Variants in CD44 observed in about 807,000 individuals in gnomAD.
The protein encoded by CD44 is CD44 molecule (IN blood group).
A neutral mutation model predicts 88.8 loss-of-function variants in CD44; 49 were observed. That is an observed-to-expected ratio of 0.55 (90% CI 0.44 to 0.70). The LOEUF is 0.70. Ranked by LOEUF, CD44 falls within the 30% of genes least tolerant of loss-of-function variation. The probability of loss-of-function intolerance (pLI) is 0.00; values close to 1 mark genes in which losing one functional copy is unlikely to be tolerated. For missense variants in CD44, 883 were observed against 913.8 expected, an observed-to-expected ratio of 0.97 and a Z score of 0.43; for synonymous variants, 325 against 312.3, an observed-to-expected ratio of 1.04 and a Z score of -0.43.
chr11:35,193,775 C>T (rs1414732178), intron 5 of CD44, among the ~76,000 whole-genome samples: 2 of 152,176 alleles, frequency 1.3e-5, no homozygotes, highest in African/African-American at 2.4e-5. Context: ...ATTTCTCTAA[C>T]TTTGGCAACT....
At chr11:35,189,722 T>C (rs1946081539) in intron 4 of CD44, 113 bp from the exon 5 acceptor site, 1 of 719,878 alleles carries the variant, frequency 1.4e-6, no homozygotes, top group Non-Finnish European at 2.5e-6. Context: ...ACTGGATAGA[T>C]AGGTGTTTCT....
At chr11:35,168,703 C>G (rs1413633433) in intron 1 of CD44, among the ~76,000 whole-genome samples, 1 of 152,208 alleles carries the variant, frequency 6.6e-6, no homozygotes, top group Non-Finnish European at 1.5e-5. Flanking sequence ...AGTTAGAAAA[C>G]AAATTAACTC....
intron 17 of CD44, chr11:35,222,814 TAAGGTAAAAGAAACTTATTTCC>T: frequency 1.0e-6 from 1 of 985,168 alleles, no homozygotes; most frequent in African/African-American, 1.7e-5. Context: ...TGGTTTCTCA[TAAGGTAAAAGAAACTTATTTCC>T]AAGCAGGACC....
intron 17 of CD44, chr11:35,222,889 G>T (rs747589216): frequency 1.1e-4 from 109 of 985,168 alleles, no homozygotes; most frequent in Non-Finnish European, 1.3e-4. Context: ...GCAGAAAAAT[G>T]CCCCTCAGTC....
intron 1 of CD44, among the ~76,000 whole-genome samples, chr11:35,154,941 C>G (rs1006687623): frequency 1.3e-5 from 2 of 152,138 alleles, no homozygotes; most frequent in Non-Finnish European, 2.9e-5. Context: ...TTCAATTCTG[C>G]CACTCCCAGT....
At chr11:35,225,344 GTA>G (rs1949625444) in intron 17 of CD44, among the ~76,000 whole-genome samples, 1 of 152,142 alleles carries the variant, frequency 6.6e-6, no homozygotes, top group African/African-American at 2.4e-5. Context: ...TGCCATAAAA[GTA>G]TGTTACCTGG....
At chr11:35,180,532 A>C (rs1944887895) in intron 3 of CD44, 125 bp downstream of exon 3, 7 of 1,021,870 alleles carry the variant, frequency 6.9e-6, no homozygotes, top group Non-Finnish European at 8.8e-6. Flanking sequence ...ATATCTGTAC[A>C]GCAGAGCCAA....
chr11:35,150,783 AGAGCTTCTCCCTCTCAGTCACAGG>A (rs1406688318), intron 1 of CD44, among the ~76,000 whole-genome samples: 3 of 152,226 alleles, frequency 2.0e-5, no homozygotes, highest in African/African-American at 7.2e-5. Context: ...CATAGCCAGG[AGAGCTTCTCCCTCTCAGTCACAGG>A]GTGACTGTGG....
chr11:35,215,541 CATGTATTAGGTTGGGCCAA>C (rs1258606562), intron 15 of CD44, among the ~76,000 whole-genome samples: 3 of 152,134 alleles, frequency 2.0e-5, no homozygotes, highest in Non-Finnish European at 2.9e-5. Flanking sequence ...AAACACTTTA[CATGTATTAGGTTGGGCCAA>C]ATGGAACTGC....
chr11:35,205,348 C>T (rs978691227), intron 10 of CD44, among the ~76,000 whole-genome samples: 2 of 152,092 alleles, frequency 1.3e-5, no homozygotes, highest in African/African-American at 4.8e-5. Flanking sequence ...CACTTGGTAT[C>T]AGTGAGAAAT....
chr11:35,156,065 A>G (rs1014651085), intron 1 of CD44, among the ~76,000 whole-genome samples: 13 of 152,168 alleles, frequency 8.5e-5, no homozygotes, highest in Admixed American at 2.0e-4. Context: ...GTCACCATGG[A>G]CATCATTTGC....
intron 15 of CD44, among the ~76,000 whole-genome samples, chr11:35,218,570 G>A (rs570744612): frequency 1.3e-4 from 20 of 151,850 alleles, no homozygotes; most frequent in Non-Finnish European, 2.6e-4. Flanking sequence ...CTTGTGATCC[G>A]CCTGCTTCAG....
chr11:35,156,886 T>A (rs745561862), intron 1 of CD44, among the ~76,000 whole-genome samples: 1 of 152,140 alleles, frequency 6.6e-6, no homozygotes, highest in Non-Finnish European at 1.5e-5. Context: ...TATTTTTAAT[T>A]GGCTGTGCAT....
intron 1 of CD44, among the ~76,000 whole-genome samples, chr11:35,168,439 T>A (rs555892529): frequency 6.6e-6 from 1 of 152,272 alleles, no homozygotes; most frequent in South Asian, 2.1e-4. Flanking sequence ...TTAGGAAAAT[T>A]AAGTGAAATA....
chr11:35,191,211 T>C (rs1442514818), intron 5 of CD44, among the ~76,000 whole-genome samples: 2 of 152,180 alleles, frequency 1.3e-5, no homozygotes, highest in African/African-American at 4.8e-5. Flanking sequence ...CCTTCTCTAT[T>C]CCTTGTCACC....
At chr11:35,148,054 G>A (rs896916469) in intron 1 of CD44, among the ~76,000 whole-genome samples, 1 of 151,764 alleles carries the variant, frequency 6.6e-6, no homozygotes, top group African/African-American at 2.4e-5. Flanking sequence ...TCACGCCATT[G>A]CACTCCAGCC....
chr11:35,145,459 A>AC (rs1858937086), intron 1 of CD44, among the ~76,000 whole-genome samples: 2 of 152,048 alleles, frequency 1.3e-5, no homozygotes, highest in African/African-American at 4.8e-5. Flanking sequence ...TGTTTGGTCT[A>AC]CCCCAAACAG....
At chr11:35,206,294 T>C (rs1947832144) in intron 11 of CD44, 51 bp downstream of exon 11, 1 of 1,522,614 alleles carries the variant, frequency 6.6e-7, no homozygotes, top group Admixed American at 2.1e-5. Flanking sequence ...ATCCACTGAG[T>C]GACTGCTGAC....
At chr11:35,155,636 G>T (rs1035293517) in intron 1 of CD44, among the ~76,000 whole-genome samples, 1 of 152,152 alleles carries the variant, frequency 6.6e-6, no homozygotes, top group East Asian at 1.9e-4. Flanking sequence ...ACAAGAAATA[G>T]CCAGTCTTCT....
Sources: gnomAD v4.1 joint callset for allele counts (sites outside exome capture counted in the v4.1 genomes callset) on GRCh38, gnomAD v4.1.1 for gene constraint, MANE v1.5 for transcripts, NCBI Gene and HGNC (gene_info 2026-07-23, HGNC 2026-07-21) for gene names.